RBM12: variants seen among roughly 807,000 people sequenced by gnomAD.
RBM12 encodes the protein RNA binding motif protein 12, also known as RNA-binding protein 12.
A neutral mutation model predicts 37.2 loss-of-function variants in RBM12; 24 were observed. The ratio of observed to expected loss-of-function variants is 0.65; its 90% confidence interval spans 0.47 to 0.91. RBM12 has a LOEUF of 0.91. Among genes scored for constraint, RBM12 ranks in the 40% least tolerant of loss-of-function variants. The pLI, the probability that RBM12 is intolerant of heterozygous loss-of-function variation, is 0.00. For missense variants in RBM12, 1,061 were observed against 1,183.2 expected, an observed-to-expected ratio of 0.90 and a Z score of 1.52; for synonymous variants, 420 against 425.2, an observed-to-expected ratio of 0.99 and a Z score of 0.15.
chr20:35,662,473 C>A (rs2034284682), intron 1 of RBM12, among the ~76,000 whole-genome samples: 1 of 152,118 alleles, frequency 6.6e-6, no homozygotes, highest in Non-Finnish European at 1.5e-5. Context: ...AACAATATTC[C>A]TTTACTCCAT....
At position 35,655,042 on chromosome 20, in the gene RBM12, T is replaced by G; in HGVS notation, c.281A>C (p.Asn94Thr). Residue 94 changes from asparagine to threonine, a missense_variant, in exon 3 of 3, where the codon AAC becomes ACC. By Grantham distance (65) the Asn-to-Thr change is moderately conservative. Transcript: ENST00000374114. Reference sequence around the variant, plus strand: ...GGCATTTGCTGGTGGTATATCTAAGTTGGCAGTTTCAAAACGCCTACGACT... The same window carrying G: ...GGCATTTGCTGGTGGTATATCTAAGGTGGCAGTTTCAAAACGCCTACGACT... Reference protein sequence around the residue: ...ELSRRRFETANLDIPPANASR... With the variant: ...ELSRRRFETATLDIPPANASR... 6.2e-7 allele frequency: 1 copy of G among 1,614,202 alleles called. No homozygotes were observed. The highest frequency in any genetic ancestry group is 1.7e-5 in the Admixed American group (1 of 60,022).
At position 35,652,740 on chromosome 20, in the gene RBM12, T is replaced by C. The variant is rs1409513021; in HGVS notation, c.2583A>G (p.Gln861=). The C allele has an allele frequency of 6.2e-7, 1 of 1,613,688 alleles. No homozygotes were observed. Among genetic ancestry groups the C allele is most frequent in the East Asian group, 2.2e-5 (1 of 44,882 alleles). The change falls in exon 3 of 3, where the codon CAA becomes CAG. Residue 861 remains glutamine (Q), a synonymous_variant. Transcript: ENST00000374114. The part of the protein sequence containing the change: ...GKPGPTVIKV[Q]NMPFTVSIDE... ...CAATAGACACAGTAAAGGGCATGTT[T>C]TGCACTTTAATTACTGTCGGTCCTG... is the stretch of plus-strand genomic sequence containing the variant.
rs1482579763 is a variant in RBM12, at chr20:35,650,071, C to T, written c.*2453G>A. ...AAGAATTTTTTAAAAACTGAAACTC[C>T]AATGCCCAGAACAAGATAAACAGTA... On this transcript the variant is annotated 3_prime_UTR_variant, in exon 3 of 3. Transcript: ENST00000374114. The T allele has an allele frequency of 1.3e-5, 2 of 152,530 alleles. No homozygotes were observed. Among genetic ancestry groups the T allele is most frequent in the Non-Finnish European group, 2.9e-5 (2 of 67,976 alleles). 9.4% of individuals were successfully genotyped at this position (152,530 alleles called of 1,614,324 possible).
intron 1 of RBM12, among the ~76,000 whole-genome samples, chr20:35,662,811 C>G (rs1019627681): frequency 1.3e-5 from 2 of 152,112 alleles, no homozygotes; most frequent in African/African-American, 4.8e-5. Flanking sequence ...TTTGACGTGT[C>G]AAAGAAGGTG....
chr20:35,662,666 T>A (rs1046761842), intron 1 of RBM12, among the ~76,000 whole-genome samples: 1 of 152,214 alleles, frequency 6.6e-6, no homozygotes, highest in Non-Finnish European at 1.5e-5. Context: ...AATGGCTCTC[T>A]GCAAAATGGA....
chr20:35,655,087 A>G lies in RBM12; in HGVS notation c.236T>C (p.Met79Thr). Residue 79 changes from methionine (M) to threonine (T), a missense_variant, in exon 3 of 3, where the codon ATG becomes ACG. This residue lies in a region of RBM12 where 540 missense variants were observed against 632.7 expected (regional missense o/e 0.85). Transcript: ENST00000374114. Reference sequence around the variant, plus strand: ...ACGACTCAGTTCAATCATATTCTGCATTTCCGTCTTACTACTCAACAATAG... The same window carrying G: ...ACGACTCAGTTCAATCATATTCTGCGTTTCCGTCTTACTACTCAACAATAG... ...VTLLLSSKTEMQNMIELSRRR... is the reference protein window; with the variant it reads ...VTLLLSSKTETQNMIELSRRR... 1 of 1,614,136 alleles carries G rather than the reference A, an allele frequency of 6.2e-7. No homozygotes were observed. The highest frequency in any genetic ancestry group is 8.5e-7 in the Non-Finnish European group (1 of 1,180,024).
At chr20:35,663,202 C>A (rs964471275) in intron 1 of RBM12, among the ~76,000 whole-genome samples, 1 of 152,162 alleles carries the variant, frequency 6.6e-6, no homozygotes, top group African/African-American at 2.4e-5. Flanking sequence ...CCATTCTTAT[C>A]AAAACTGCCA....
At position 35,652,541 on chromosome 20, in the gene RBM12, T is replaced by C; in HGVS notation, c.2782A>G (p.Lys928Glu). 6.2e-7 allele frequency: 1 copy of C among 1,610,942 alleles called. No individual in the cohort carries two copies. Among genetic ancestry groups the C allele is most frequent in the South Asian group, 1.1e-5 (1 of 90,612 alleles). Reference protein sequence around the residue: ...NDRPIGSRKVKLVLG With the variant: ...NDRPIGSRKVELVLG The stretch of plus-strand genomic sequence containing the variant: ...GTGAATGGCTACCCTAATACAAGTT[T>C]TACTTTTCTTGAACCTATAGGCCTG... Residue 928 changes from lysine to glutamate, a missense_variant, in exon 3 of 3, where the codon AAA becomes GAA. Transcript: ENST00000374114.
In RBM12 at chr20:35,653,474, G is replaced by A; in HGVS notation, c.1849C>T (p.His617Tyr). The change falls in exon 3 of 3, where the codon CAT (histidine) becomes TAT (tyrosine). Residue 617 changes from histidine to tyrosine, a missense_variant. By Grantham distance (83) the His-to-Tyr change is moderately conservative. Transcript: ENST00000374114. ...KKLNGREAFV[H>Y]VVTLEDMREI... ...CTCATATCTTCTAGGGTAACTACAT[G>A]AACAAAAGCTTCTCTCCCATTAAGT... 6.2e-7 allele frequency: 1 copy of A among 1,614,162 alleles called. No homozygotes were observed. The highest frequency in any genetic ancestry group is 8.5e-7 in the Non-Finnish European group (1 of 1,180,026).
intron 1 of RBM12, among the ~76,000 whole-genome samples, chr20:35,663,912 C>A (rs1200326809): frequency 6.6e-6 from 1 of 152,214 alleles, no homozygotes; most frequent in African/African-American, 2.4e-5. Flanking sequence ...CAAAAGCACC[C>A]ACCCTCCGCA....
rs2033817085 is a variant in RBM12, at chr20:35,655,062, A to G, written c.261T>C (p.Arg87=). The change falls in exon 3 of 3, where the codon CGT becomes CGC. Residue 87 remains arginine (R), a synonymous_variant. Coordinates refer to ENST00000374114, the MANE Select transcript of RBM12 (RefSeq NM_006047.6). ...CTAAGTTGGCAGTTTCAAAACGCCT[A>G]CGACTCAGTTCAATCATATTCTGCA... The part of the protein sequence containing the change: ...TEMQNMIELS[R]RRFETANLDI... The G allele has an allele frequency of 6.2e-7, 1 of 1,614,162 alleles. No individual in the cohort carries two copies. Among genetic ancestry groups the G allele is most frequent in the South Asian group, 1.1e-5 (1 of 91,074 alleles).
Position 35,654,505 on chromosome 20 carries a change from T to A in RBM12, c.818A>T (p.Asn273Ile). The A allele has an allele frequency of 6.2e-7, 1 of 1,614,062 alleles. No homozygotes were observed. ...ATTCAACGGACCAAGAAACATAGGA[T>A]TCAGATTATTGTTCAAATTCATAGG... ...GAPMNLNNNL[N>I]PMFLGPLNPV... The change falls in exon 3 of 3, where the codon AAT (asparagine) becomes ATT (isoleucine). Residue 273 changes from asparagine to isoleucine, a missense_variant. Physicochemically the swap from Asn to Ile is moderately radical, Grantham distance 149 (BLOSUM62 -3). Around this residue, in one of 3 missense-constraint regions of RBM12, gnomAD observed 540 missense variants for 632.7 expected, o/e 0.85. Transcript: ENST00000374114.
intron 1 of RBM12, among the ~76,000 whole-genome samples, chr20:35,659,402 T>A (rs1443164184): frequency 1.3e-5 from 2 of 152,216 alleles, no homozygotes; most frequent in East Asian, 3.8e-4. Context: ...AAATTTGTGA[T>A]GAAAAGGCAC....
intron 2 of RBM12, among the ~76,000 whole-genome samples, chr20:35,658,368 T>C (rs1401729684): frequency 6.6e-6 from 1 of 152,038 alleles, no homozygotes. Context: ...ATCAGGAAAA[T>C]CACAAGATAA....
Position 35,653,872 on chromosome 20 carries a change from T to C in RBM12, c.1451A>G (p.Tyr484Cys), listed in dbSNP as rs139959407. 31 of 1,614,134 alleles carry C rather than the reference T, an allele frequency of 1.9e-5. No homozygotes were observed. Among genetic ancestry groups the C allele is most frequent in the African/African-American group, 5.3e-5 (4 of 75,064 alleles). Residue 484 changes from tyrosine (Y) to cysteine (C), a missense_variant, in exon 3 of 3, where the codon TAT (tyrosine) becomes TGT (cysteine). By Grantham distance (194) the Tyr-to-Cys change is radical. Around this residue, in one of 3 missense-constraint regions of RBM12, gnomAD observed 540 missense variants for 632.7 expected, o/e 0.85. Transcript: ENST00000374114. ...GFVEFRNEAD[Y>C]KAALCRHKQY... The stretch of plus-strand genomic sequence containing the variant: ...TTTATGACGACACAGAGCAGCCTTA[T>C]AGTCAGCCTCATTTCTGAACTCTAC...
At chr20:35,656,803 C>T (rs780885422) in intron 2 of RBM12, among the ~76,000 whole-genome samples, 7 of 146,910 alleles carry the variant, frequency 4.8e-5, no homozygotes, top group Non-Finnish European at 9.2e-5. Context: ...CACTGCGCCC[C>T]ACCTGAAAAG....
At chr20:35,661,046 A>G (rs2146379102) in intron 1 of RBM12, among the ~76,000 whole-genome samples, 1 of 152,350 alleles carries the variant, frequency 6.6e-6, no homozygotes, top group South Asian at 2.1e-4. Context: ...TATGTGTACA[A>G]CTTAAAGCAC....
chr20:35,652,916 G>C lies in RBM12; in HGVS notation c.2407C>G (p.Pro803Ala), dbSNP rs971464293. The change falls in exon 3 of 3, where the codon CCG (proline) becomes GCG (alanine). Residue 803 changes from proline to alanine, a missense_variant. This residue lies in a region of RBM12 where 517 missense variants were observed against 534.0 expected (regional missense o/e 0.97). Transcript: ENST00000374114. ...CCAGGAGGGCCACTTCCAAACCCCGGGGGACCGCCTAAGCTACCAGGGCCA... is the reference window on the plus strand; with the variant it reads ...CCAGGAGGGCCACTTCCAAACCCCGCGGGACCGCCTAAGCTACCAGGGCCA... The part of the protein sequence containing the change: ...GNGPGSLGGP[P>A]GFGSGPPGLG... 2 of 1,613,624 alleles carry C rather than the reference G, an allele frequency of 1.2e-6. No homozygotes were observed. The highest frequency in any genetic ancestry group is 1.7e-5 in the Admixed American group (1 of 60,002).
chr20:35,650,108 T>C lies in RBM12; in HGVS notation c.*2416A>G, dbSNP rs1339630386. 1.3e-5 allele frequency: 2 copies of C among 152,620 alleles called. No homozygotes were observed. The highest frequency in any genetic ancestry group is 2.9e-5 in the Non-Finnish European group (2 of 68,020). 9.5% of individuals were successfully genotyped at this position (152,620 alleles called of 1,614,324 possible). Reference sequence around the variant, plus strand: ...CAAGATAAACAGTATCCTTAGCAGTTAGCACTGTTAATAAATCTCAGATAC... The same window carrying C: ...CAAGATAAACAGTATCCTTAGCAGTCAGCACTGTTAATAAATCTCAGATAC... On this transcript the variant is annotated 3_prime_UTR_variant, in exon 3 of 3. Transcript: ENST00000374114.
Sources: gnomAD v4.1 joint callset for allele counts (sites outside exome capture counted in the v4.1 genomes callset) on GRCh38, gnomAD v4.1.1 for gene constraint, gnomAD v4.1.1 regional missense constraint, MANE v1.5 for transcripts, NCBI Gene and HGNC (gene_info 2026-07-23, HGNC 2026-07-21) for gene names.